Variants in CNBD1 observed in about 807,000 individuals in gnomAD.
The protein encoded by CNBD1 is cyclic nucleotide-binding domain-containing protein 1.
Under a neutral mutation model 54.4 loss-of-function variants are expected in CNBD1, and 71 were observed. The observed-to-expected ratio is 1.30, with a 90% CI of 1.08 to 1.59. CNBD1 has a LOEUF of 1.59. CNBD1 is among the 40% of genes most tolerant of loss of function. The pLI, the probability that CNBD1 is intolerant of heterozygous loss-of-function variation, is 0.00. For synonymous variants in CNBD1, 182 were observed against 170.7 expected, an observed-to-expected ratio of 1.07 and a Z score of -0.51; for missense variants, 659 against 518.0, an observed-to-expected ratio of 1.27 and a Z score of -2.64.
At chr8:87,028,671 T>C (rs1809709592) in intron 4 of CNBD1, among the ~76,000 whole-genome samples, 1 of 152,206 alleles carries the variant, frequency 6.6e-6, no homozygotes, top group Non-Finnish European at 1.5e-5. Context: ...AAAGCAATTA[T>C]GATAAATGCA....
intron 4 of CNBD1, among the ~76,000 whole-genome samples, chr8:87,172,624 AATG>A (rs1306662502): frequency 6.6e-6 from 1 of 152,096 alleles, no homozygotes. Context: ...ATCATTATAT[AATG>A]ATCTTCTTTG....
intron 8 of CNBD1, among the ~76,000 whole-genome samples, chr8:87,297,417 C>G (rs1259062644): frequency 6.6e-6 from 1 of 151,902 alleles, no homozygotes. Context: ...TGGGATAGCA[C>G]AGTCGTAGAA....
intron 10 of CNBD1, among the ~76,000 whole-genome samples, chr8:87,373,912 T>A (rs987930134): frequency 6.6e-6 from 1 of 151,850 alleles, no homozygotes; most frequent in Non-Finnish European, 1.5e-5. Flanking sequence ...TATTTCATGA[T>A]TAATTTAAAT....
At chr8:87,325,687 C>A (rs1185884020) in intron 8 of CNBD1, among the ~76,000 whole-genome samples, 1 of 141,084 alleles carries the variant, frequency 7.1e-6, no homozygotes, top group Non-Finnish European at 1.5e-5. Flanking sequence ...TATTTTGAGC[C>A]CATGTGTGTC....
intron 4 of CNBD1, among the ~76,000 whole-genome samples, chr8:87,129,089 AAAG>A (rs1474831981): frequency 5.5e-5 from 8 of 146,202 alleles, no homozygotes; most frequent in Non-Finnish European, 9.0e-5. Flanking sequence ...AAAAAAAAAA[AAAG>A]AATTTTGCTA....
At chr8:86,985,110 C>A (rs1039662816) in intron 4 of CNBD1, among the ~76,000 whole-genome samples, 2 of 152,126 alleles carry the variant, frequency 1.3e-5, no homozygotes, top group Non-Finnish European at 2.9e-5. Context: ...CTCATAAGAT[C>A]TGATAGTTTT....
chr8:87,125,530 A>G (rs969104323), intron 4 of CNBD1, among the ~76,000 whole-genome samples: 1 of 151,838 alleles, frequency 6.6e-6, no homozygotes, highest in Admixed American at 6.6e-5. Flanking sequence ...ATTTTTCATT[A>G]ATTTGACCAT....
chr8:87,391,913 T>C (rs1265889497), intron 2 of CNBD1, among the ~76,000 whole-genome samples: 2 of 152,066 alleles, frequency 1.3e-5, no homozygotes, highest in Non-Finnish European at 2.9e-5. Context: ...CCACAGAATG[T>C]GAGAAAATTG....
chr8:87,279,232 G>T (rs1808541646), intron 6 of CNBD1, among the ~76,000 whole-genome samples: 1 of 151,180 alleles, frequency 6.6e-6, no homozygotes, highest in East Asian at 1.9e-4. Context: ...AGTAAGACAA[G>T]GATGCATTGG....
At chr8:87,309,913 G>C (rs1320358740) in intron 8 of CNBD1, among the ~76,000 whole-genome samples, 1 of 152,168 alleles carries the variant, frequency 6.6e-6, no homozygotes, top group Non-Finnish European at 1.5e-5. Flanking sequence ...CTTCATGGAT[G>C]AAATGATTCT....
intron 4 of CNBD1, among the ~76,000 whole-genome samples, chr8:86,940,845 T>C (rs563736340): frequency 6.6e-6 from 1 of 152,314 alleles, no homozygotes; most frequent in African/African-American, 2.4e-5. Flanking sequence ...ACTTTTTCTT[T>C]GTTTAGATAC....
chr8:87,072,440 G>A (rs1293331910), intron 4 of CNBD1, among the ~76,000 whole-genome samples: 1 of 152,192 alleles, frequency 6.6e-6, no homozygotes, highest in Non-Finnish European at 1.5e-5. Flanking sequence ...TGTAGTGACT[G>A]ATAACAGTTT....
chr8:87,145,002 A>G (rs1812453614), intron 4 of CNBD1, among the ~76,000 whole-genome samples: 1 of 152,178 alleles, frequency 6.6e-6, no homozygotes. Context: ...CAAATATCTA[A>G]CTGGAGTTCT....
At chr8:87,030,914 C>CCCCCCTCCT (rs1491341044) in intron 4 of CNBD1, among the ~76,000 whole-genome samples, 1 of 44,532 alleles carries the variant, frequency 2.2e-5, no homozygotes, top group East Asian at 7.8e-4. Flanking sequence ...ACCTCCTCCT[C>CCCCCCTCCT]CCCCCCTCCT....
At chr8:86,928,290 G>A (rs957947315) in intron 3 of CNBD1, among the ~76,000 whole-genome samples, 3 of 152,172 alleles carry the variant, frequency 2.0e-5, no homozygotes, top group Non-Finnish European at 4.4e-5. Flanking sequence ...CCCCCATTTT[G>A]TGAAGAGAAT....
intron 10 of CNBD1, among the ~76,000 whole-genome samples, chr8:87,356,535 T>C (rs1332142097): frequency 2.0e-5 from 3 of 152,150 alleles, no homozygotes; most frequent in East Asian, 3.9e-4. Context: ...CTAGGGTATC[T>C]GGTGGAAGAA....
At chr8:87,357,517 A>G (rs1458360241) in intron 10 of CNBD1, among the ~76,000 whole-genome samples, 2 of 152,170 alleles carry the variant, frequency 1.3e-5, no homozygotes, top group Non-Finnish European at 2.9e-5. Context: ...GGTTTCAGAC[A>G]TGCATGGGGA....
chr8:87,425,407 G>A (rs1452768027), intron 2 of CNBD1, among the ~76,000 whole-genome samples: 5 of 152,122 alleles, frequency 3.3e-5, no homozygotes, highest in Non-Finnish European at 1.5e-5. Context: ...GATTTTTAGA[G>A]TTTCCAGTTT....
At chr8:87,199,571 T>A (rs762950851) in intron 4 of CNBD1, among the ~76,000 whole-genome samples, 53 of 152,204 alleles carry the variant, frequency 3.5e-4, no homozygotes, top group Non-Finnish European at 5.1e-4. Context: ...TCTTAGCCAA[T>A]GTTTAAAGTA....
Sources: allele counts gnomAD v4.1 joint callset (sites outside exome capture counted in the v4.1 genomes callset), GRCh38; gene constraint gnomAD v4.1.1; transcripts MANE v1.5; gene names NCBI Gene and HGNC (gene_info 2026-07-23, HGNC 2026-07-21).